The following MKLN1 variants were observed in gnomAD, a reference collection of about 807,000 sequenced individuals.
The protein encoded by MKLN1 is muskelin 1, also known as muskelin.
MKLN1 carries 18 observed loss-of-function variants against 99.0 expected under a neutral mutation model. The observed-to-expected ratio is 0.18, with a 90% CI of 0.13 to 0.27. The LOEUF (loss-of-function observed/expected upper bound fraction) is 0.27. Among genes scored for constraint, MKLN1 ranks in the 10% least tolerant of loss-of-function variants. The probability of loss-of-function intolerance (pLI) is 1.00; values close to 1 mark genes in which losing one functional copy is unlikely to be tolerated. For synonymous variants in MKLN1, 288 were observed against 293.2 expected, an observed-to-expected ratio of 0.98 and a Z score of 0.18; for missense variants, 621 against 875.9, an observed-to-expected ratio of 0.71 and a Z score of 3.67.
chr7:131,469,907 G>A (rs1276576051), intron 15 of MKLN1, among the ~76,000 whole-genome samples: 7 of 146,348 alleles, frequency 4.8e-5, no homozygotes, highest in Non-Finnish European at 8.9e-5. Context: ...ACAGGATCTC[G>A]TTCTGTCATC....
At chr7:131,176,983 T>G (rs139559409) in intron 2 of MKLN1, among the ~76,000 whole-genome samples, 2 of 152,250 alleles carry the variant, frequency 1.3e-5, no homozygotes, top group African/African-American at 4.8e-5. Context: ...GTAATAATGA[T>G]AAAAGATTAA....
chr7:131,114,021 G>A (rs1489634976), intron 1 of MKLN1, among the ~76,000 whole-genome samples: 3 of 152,116 alleles, frequency 2.0e-5, no homozygotes, highest in African/African-American at 7.2e-5. Flanking sequence ...GTTTGAGATG[G>A]GACACAGAGC....
intron 3 of MKLN1, among the ~76,000 whole-genome samples, chr7:131,255,782 T>A (rs923895615): frequency 6.6e-6 from 1 of 152,096 alleles, no homozygotes; most frequent in Non-Finnish European, 1.5e-5. Context: ...GGTTTCACTG[T>A]GTTGGCCAGG....
At chr7:131,440,366 A>G (rs1795802997) in intron 10 of MKLN1, among the ~76,000 whole-genome samples, 1 of 152,172 alleles carries the variant, frequency 6.6e-6, no homozygotes, top group Admixed American at 6.6e-5. Context: ...ATTTTGAAGG[A>G]GCCATTCAAT....
chr7:131,219,753 T>C (rs1212553143), intron 3 of MKLN1, among the ~76,000 whole-genome samples: 1 of 152,158 alleles, frequency 6.6e-6, no homozygotes, highest in Admixed American at 6.5e-5. Context: ...GTTCCCTCCC[T>C]CCACTGGCTG....
At chr7:131,192,260 CAA>C (rs1563247640) in intron 2 of MKLN1, among the ~76,000 whole-genome samples, 42 of 61,578 alleles carry the variant, frequency 6.8e-4, no homozygotes, top group Admixed American at 1.2e-3. Flanking sequence ...ATAATATATA[CAA>C]TATATAAATA....
intron 12 of MKLN1, among the ~76,000 whole-genome samples, chr7:131,453,044 CAG>C (rs1289416244): frequency 8.5e-5 from 13 of 152,166 alleles, no homozygotes; most frequent in African/African-American, 3.1e-4. Flanking sequence ...ATTATTCAAA[CAG>C]AGTATCTACT....
rs764190382 is a variant in MKLN1 at position 131,487,624 on chromosome 7, C to T, written c.2104C>T (p.His702Tyr). The change falls in exon 18 of 18, where the codon CAC becomes TAC. Residue 702 changes from histidine (H) to tyrosine (Y), a missense_variant. His to Tyr is a moderately conservative substitution (Grantham distance 83, BLOSUM62 2). Transcript: ENST00000352689. This position sits in a 1 kb window ranked among gnomAD's most constrained non-coding sequence, Gnocchi z 4.7. The part of the protein sequence containing the change: ...FTALGFSDVD[H>Y]TYAQRTQLFD... ...TTCACCAGGCTTTTCTGATGTGGAT[C>T]ACACCTATGCTCAAAGAACTCAGCT... The T allele has an allele frequency of 6.2e-7, 1 of 1,612,328 alleles. No individual in the cohort carries two copies. The highest frequency in any genetic ancestry group is 2.2e-5 in the East Asian group (1 of 44,806).
intron 2 of MKLN1, among the ~76,000 whole-genome samples, chr7:131,156,548 A>ATAC (rs1313533398): frequency 1.3e-5 from 2 of 151,878 alleles, no homozygotes; most frequent in Non-Finnish European, 2.9e-5. Context: ...CGATGTGCAG[A>ATAC]TACTACTCTC....
At chr7:131,263,623 G>A (rs1052070610) in intron 3 of MKLN1, among the ~76,000 whole-genome samples, 8 of 151,206 alleles carry the variant, frequency 5.3e-5, no homozygotes, top group Admixed American at 2.0e-4. Flanking sequence ...CCAGGCTGGA[G>A]TGCAGTGGCA....
chr7:131,219,497 T>C (rs2116449447), intron 3 of MKLN1, among the ~76,000 whole-genome samples: 1 of 152,334 alleles, frequency 6.6e-6, no homozygotes, highest in East Asian at 1.9e-4. Flanking sequence ...AACTATTCTT[T>C]ACTTCTCAGA....
intron 8 of MKLN1, among the ~76,000 whole-genome samples, chr7:131,428,750 C>T (rs1795433693): frequency 6.6e-6 from 1 of 152,124 alleles, no homozygotes; most frequent in Non-Finnish European, 1.5e-5. Flanking sequence ...CCCATTTTTA[C>T]CCATTGAAAA....
In MKLN1 at chr7:131,496,133, G is replaced by T. The variant is rs1015125616; in HGVS notation, c.*8405G>T. On this transcript the variant is annotated 3_prime_UTR_variant, in exon 18 of 18. Coordinates refer to ENST00000352689, the MANE Select transcript of MKLN1 (RefSeq NM_013255.5). ...CATTTTGCACCTCAGTAGTATTTCA[G>T]ATGAGACTCAATGTGTGGAGAAAAC... 6.6e-6 allele frequency: 1 copy of T among 152,206 alleles called. No individual in the cohort carries two copies. The highest frequency in any genetic ancestry group is 1.5e-5 in the Non-Finnish European group (1 of 68,014). 9.4% of individuals were successfully genotyped at this position (152,206 alleles called of 1,614,324 possible). A position where few individuals can be genotyped will look rare whatever the true frequency, so the allele number is the denominator to read the frequency against.
intron 2 of MKLN1, among the ~76,000 whole-genome samples, chr7:131,202,367 G>A (rs549437907): frequency 4.0e-5 from 6 of 151,522 alleles, no homozygotes; most frequent in Non-Finnish European, 5.9e-5. Flanking sequence ...TGCCAGCCTC[G>A]GCCTCTCAAT....
intron 12 of MKLN1, among the ~76,000 whole-genome samples, chr7:131,457,456 T>C (rs1563358479): frequency 5.3e-5 from 8 of 151,772 alleles, no homozygotes; most frequent in Admixed American, 5.3e-4. Context: ...GTAAGTAGGA[T>C]GGTATGAGTG....
chr7:131,278,397 A>G (rs1798005155), intron 3 of MKLN1, among the ~76,000 whole-genome samples: 1 of 152,092 alleles, frequency 6.6e-6, no homozygotes, highest in African/African-American at 2.4e-5. Flanking sequence ...AATAATAACT[A>G]TAACTATTAT....
At chr7:131,139,063 T>G (rs1292925756) in intron 1 of MKLN1, among the ~76,000 whole-genome samples, 5 of 152,142 alleles carry the variant, frequency 3.3e-5, no homozygotes, top group Admixed American at 3.3e-4. Context: ...AAGGCCTATG[T>G]GCACCTCATT....
intron 1 of MKLN1, among the ~76,000 whole-genome samples, chr7:131,360,309 A>G (rs1799993099): frequency 1.3e-5 from 2 of 152,106 alleles, no homozygotes; most frequent in African/African-American, 4.8e-5. Context: ...ATATAATTGG[A>G]TTGATATCTA....
Position 131,492,978 on chromosome 7 carries a change from AAC to A in MKLN1, c.*5254_*5255del, listed in dbSNP as rs1474693348. 2 of 152,198 alleles carry A rather than the reference AAC, an allele frequency of 1.3e-5. No individual in the cohort carries two copies. The highest frequency in any genetic ancestry group is 4.8e-5 in the African/African-American group (2 of 41,448). The allele number at this position is 152,198 out of a possible 1,614,324, so 9.4% of individuals were successfully genotyped here. Reference sequence around the variant, plus strand: ...ACTGGATCCCACTTAACAGCTTAAAAACACAAAAATGAAAGGGTAGTCCTAGT... The same window carrying A: ...ACTGGATCCCACTTAACAGCTTAAAAACAAAAATGAAAGGGTAGTCCTAGT... On this transcript the variant is annotated 3_prime_UTR_variant, in exon 18 of 18. Transcript: ENST00000352689.
Sources: gnomAD v4.1 joint callset for allele counts (sites outside exome capture counted in the v4.1 genomes callset) on GRCh38, gnomAD v4.1.1 for gene constraint, Gnocchi (gnomAD v3.1) non-coding constraint, MANE v1.5 for transcripts, NCBI Gene and HGNC (gene_info 2026-07-23, HGNC 2026-07-21) for gene names.